VWA8: variants seen among roughly 807,000 people sequenced by gnomAD.
VWA8 encodes the protein von Willebrand factor A domain-containing protein 8.
VWA8 carries 221 observed loss-of-function variants against 241.5 expected under a neutral mutation model. That is an observed-to-expected ratio of 0.91 (90% CI 0.82 to 1.02). VWA8 has a LOEUF of 1.02. VWA8 is among the 50% of genes least tolerant of loss of function. The pLI, the probability that VWA8 is intolerant of heterozygous loss-of-function variation, is 0.00. For synonymous variants in VWA8, 852 were observed against 827.1 expected, an observed-to-expected ratio of 1.03 and a Z score of -0.52; for missense variants, 2,322 against 2,328.7, an observed-to-expected ratio of 1.00 and a Z score of 0.06.
rs35797822 is a variant in VWA8 at position 41,770,440 on chromosome 13, CAAAA to C, written c.2349+7541_2349+7544del. Among the ~76,000 whole-genome samples the C allele has an allele frequency of 2.7e-4, 28 of 102,422 alleles. No individual in the cohort carries two copies. The South Asian group carries it at 5.1e-3, about 19-fold the overall frequency. 67.2% of individuals were successfully genotyped at this position (102,422 alleles called of 152,430 possible). ...TGGGCGACAGAGCGAGACTCCGTTT[CAAAA>C]AAAAAAAAAAAAAGAAAAGAAACTG... On this transcript the variant is annotated intron_variant, in intron 20 of 44. Transcript: ENST00000379310.
At chr13:41,948,663 G>A (rs1419226876) in intron 2 of VWA8, among the ~76,000 whole-genome samples, 2 of 152,266 alleles carry the variant, frequency 1.3e-5, no homozygotes, top group South Asian at 4.1e-4. Context: ...CTGCTTTGGA[G>A]AATTGTTTGG....
rs762645021 is a variant in VWA8, at chr13:41,570,723, T to C, written c.5371-17A>G. On this transcript the variant is annotated splice_polypyrimidine_tract_variant and intron_variant, in intron 43 of 44. Coordinates refer to ENST00000379310, the MANE Select transcript of VWA8 (RefSeq NM_015058.2). Reference sequence around the variant, plus strand: ...ATGCATTGTCTGGAGGTAAAAGAAGTTGCACAAAAGCCATGGCTGAGAAAC... The same window carrying C: ...ATGCATTGTCTGGAGGTAAAAGAAGCTGCACAAAAGCCATGGCTGAGAAAC... 3.7e-6 allele frequency: 6 copies of C among 1,603,140 alleles called. No homozygotes were observed. In the Admixed American group the frequency reaches 6.7e-5, roughly 18 times the overall value.
chr13:41,647,648 G>A (rs1420315469), intron 37 of VWA8, among the ~76,000 whole-genome samples: 3 of 152,122 alleles, frequency 2.0e-5, no homozygotes, highest in Admixed American at 1.3e-4. Context: ...TTGAAACCAT[G>A]AGTAGAATCA....
chr13:41,925,897 C>T (rs1876807748), intron 2 of VWA8: 2 of 368,322 alleles, frequency 5.4e-6, no homozygotes, highest in Non-Finnish European at 5.4e-6. Context: ...AAGTTCCATG[C>T]AGACATCTCA....
rs2044767564 is a variant in VWA8 at position 41,637,583 on chromosome 13, A to T, written c.4612-22499T>A. On this transcript the variant is annotated intron_variant, in intron 37 of 44. Coordinates refer to ENST00000379310, the MANE Select transcript of VWA8 (RefSeq NM_015058.2). ...TATAATAAAAAAAAGAAATAAAAAA[A>T]AATAAATAATAAAAAAAGAACATCA... Among the ~76,000 whole-genome samples, 4 of 151,830 alleles carry T rather than the reference A, an allele frequency of 2.6e-5. No homozygotes were observed. The South Asian group carries it at 8.4e-4, about 32-fold the overall frequency.
At chr13:41,910,978 A>T (rs755663563) in intron 3 of VWA8, among the ~76,000 whole-genome samples, 5 of 152,174 alleles carry the variant, frequency 3.3e-5, no homozygotes, top group Non-Finnish European at 7.4e-5. Context: ...ACACAGCTTC[A>T]TCTGGTGGCA....
At chr13:41,950,460 C>T (rs1333482037) in intron 1 of VWA8, among the ~76,000 whole-genome samples, 1 of 152,078 alleles carries the variant, frequency 6.6e-6, no homozygotes, top group East Asian at 1.9e-4. Flanking sequence ...GCTCCGCCTC[C>T]CGGGTTCACA....
intron 2 of VWA8, among the ~76,000 whole-genome samples, chr13:41,933,207 C>T (rs1367099539): frequency 6.6e-6 from 1 of 151,884 alleles, no homozygotes; most frequent in African/African-American, 2.4e-5. Context: ...AAGACAATAT[C>T]ATTTACAATA....
chr13:41,866,386 T>TGC (rs1478095003), intron 10 of VWA8, among the ~76,000 whole-genome samples: 32 of 148,342 alleles, frequency 2.2e-4, no homozygotes, highest in African/African-American at 8.0e-4. Flanking sequence ...TGTGTGTGTG[T>TGC]GTGCGCGTGT....
intron 42 of VWA8, among the ~76,000 whole-genome samples, chr13:41,582,491 A>C (rs574426326): frequency 1.6e-4 from 25 of 152,204 alleles, no homozygotes; most frequent in Non-Finnish European, 2.9e-4. Context: ...AACATTAAGA[A>C]CTGTCTGGAA....
At chr13:41,882,662 G>A (rs996565344) in intron 9 of VWA8, among the ~76,000 whole-genome samples, 25 of 152,344 alleles carry the variant, frequency 1.6e-4, no homozygotes, top group African/African-American at 5.5e-4. Context: ...AAACCAGTCA[G>A]GCGTGGCGTC....
chr13:41,907,652 G>A lies in VWA8; in HGVS notation c.417C>T (p.Asp139=). The part of the protein sequence containing the change: ...REVEYIALSR[D]TTETDLKQRR... ...GCTGTTTGAGATCAGTTTCAGTGGT[G>A]TCCCTTGACAGGGCAATGTATTCGA... Residue 139 remains aspartate (D), a synonymous_variant, in exon 4 of 45, where the codon GAC becomes GAT. Transcript: ENST00000379310. The A allele has an allele frequency of 6.2e-7, 1 of 1,614,166 alleles. No homozygotes were observed. The highest frequency in any genetic ancestry group is 2.2e-5 in the East Asian group (1 of 44,866).
intron 26 of VWA8, among the ~76,000 whole-genome samples, chr13:41,704,500 G>C (rs979056204): frequency 3.4e-5 from 5 of 145,764 alleles, no homozygotes; most frequent in African/African-American, 1.0e-4. Flanking sequence ...GTCTCACTCT[G>C]TCACCCAGGC....
At chr13:41,617,430 T>A (rs919106735) in intron 37 of VWA8, among the ~76,000 whole-genome samples, 10 of 152,198 alleles carry the variant, frequency 6.6e-5, no homozygotes, top group Admixed American at 3.3e-4. Context: ...CATTTTTTTT[T>A]AAATAATAAG....
At chr13:41,705,835 T>C (rs2045279673) in intron 26 of VWA8, among the ~76,000 whole-genome samples, 1 of 152,188 alleles carries the variant, frequency 6.6e-6, no homozygotes, top group African/African-American at 2.4e-5. Context: ...GTCTTGATAC[T>C]CTGAAGTGAA....
At chr13:41,652,387 C>T (rs943511086) in intron 37 of VWA8, among the ~76,000 whole-genome samples, 9 of 152,312 alleles carry the variant, frequency 5.9e-5, no homozygotes, top group African/African-American at 2.2e-4. Flanking sequence ...AAATTACTTA[C>T]TCCCAACCTC....
intron 2 of VWA8, among the ~76,000 whole-genome samples, chr13:41,946,126 A>G (rs9315875): frequency 0.068 from 9,262 of 137,086 alleles, 348 homozygotes; most frequent in East Asian, 0.12. Flanking sequence ...CAAAGTGCTG[A>G]AAAAAAAAAA....
rs751848459 is a variant in VWA8, at chr13:41,830,655, G to GA, written c.1587-14dup. 4.2e-5 allele frequency: 67 copies of GA among 1,604,628 alleles called. No individual in the cohort carries two copies. The highest frequency in any genetic ancestry group is 1.7e-4 in the Admixed American group (10 of 58,506). ...ATCATGGATTAACCTAACAAGATAA[G>GA]AAAAAAGCCCGAAAATAAATTAATG... is the stretch of plus-strand genomic sequence containing the variant. On this transcript the variant is annotated splice_polypyrimidine_tract_variant and intron_variant, in intron 13 of 44. Coordinates refer to ENST00000379310, the MANE Select transcript of VWA8 (RefSeq NM_015058.2).
intron 41 of VWA8, among the ~76,000 whole-genome samples, chr13:41,589,931 T>G (rs1459862165): frequency 6.6e-6 from 1 of 152,242 alleles, no homozygotes; most frequent in Non-Finnish European, 1.5e-5. Context: ...CTTCACTGTG[T>G]GGAGGGGGAC....
Sources: gnomAD v4.1 joint callset for allele counts (sites outside exome capture counted in the v4.1 genomes callset) on GRCh38, gnomAD v4.1.1 for gene constraint, MANE v1.5 for transcripts, NCBI Gene and HGNC (gene_info 2026-07-23, HGNC 2026-07-21) for gene names.